Variants in EPS15 observed in about 807,000 individuals in gnomAD.
The protein encoded by EPS15 is epidermal growth factor receptor pathway substrate 15.
EPS15 carries 72 observed loss-of-function variants against 113.8 expected under a neutral mutation model. The observed-to-expected ratio is 0.63, with a 90% CI of 0.52 to 0.77. The LOEUF (loss-of-function observed/expected upper bound fraction) is 0.77. Among genes scored for constraint, EPS15 ranks in the 30% least tolerant of loss-of-function variants. The probability of loss-of-function intolerance (pLI) is 0.00; values close to 1 mark genes in which losing one functional copy is unlikely to be tolerated. For synonymous variants in EPS15, 344 were observed against 363.4 expected (o/e 0.95, Z 0.61); for missense variants, 1,048 against 1,045.8 (o/e 1.00, Z -0.03).
Position 51,446,957 on chromosome 1 carries a change from T to C in EPS15, c.797+3A>G. On this transcript the variant is annotated splice_donor_region_variant and intron_variant, in intron 10 of 24. Transcript: ENST00000371733. ...TAAAAAATCAATTCAAATAAAGTCT[T>C]ACCATATATGGGCTAGTAAGGTAGA... is the stretch of plus-strand genomic sequence containing the variant. 6.3e-7 allele frequency: 1 copy of C among 1,591,052 alleles called. No homozygotes were observed. The highest frequency in any genetic ancestry group is 1.4e-5 in the African/African-American group (1 of 73,590).
At chr1:51,396,719 C>A (rs1419090684) in intron 20 of EPS15, among the ~76,000 whole-genome samples, 1 of 151,950 alleles carries the variant, frequency 6.6e-6, no homozygotes, top group Non-Finnish European at 1.5e-5. Flanking sequence ...ATTGTGCAGC[C>A]CATGAAGGAA....
chr1:51,445,135 A>G (rs2148479882), intron 10 of EPS15, 90 bp from the exon 11 acceptor site: 1 of 1,213,350 alleles, frequency 8.2e-7, no homozygotes, highest in East Asian at 2.4e-5. Context: ...TTTTTAAAAT[A>G]ATGAGGTGAA....
At chr1:51,388,109 T>C (rs1289587160) in intron 21 of EPS15, among the ~76,000 whole-genome samples, 1 of 152,146 alleles carries the variant, frequency 6.6e-6, no homozygotes, top group East Asian at 1.9e-4. Context: ...ACAGAAATTA[T>C]AACAAACTGT....
At chr1:51,414,637 T>G (rs1345675806) in intron 13 of EPS15, among the ~76,000 whole-genome samples, 1 of 152,120 alleles carries the variant, frequency 6.6e-6, no homozygotes. Flanking sequence ...CTAGTCATAT[T>G]CCCCACCCTC....
Position 51,503,000 on chromosome 1 carries a change from C to CT in EPS15, c.33+16198dup, listed in dbSNP as rs1644438892. 4.4e-5 allele frequency among the ~76,000 whole-genome samples: 6 copies of CT among 135,860 alleles called. No homozygotes were observed. The South Asian group carries it at 1.3e-3, about 30-fold the overall frequency. The allele number at this position is 135,860 out of a possible 152,430, so 89.1% of individuals were successfully genotyped here. A position where few individuals can be genotyped will look rare whatever the true frequency, so the allele number is the denominator to read the frequency against. The stretch of plus-strand genomic sequence containing the variant: ...CCAGTCTGGGCGACAGAGTGAGACT[C>CT]TGTCTCAAAAAAAAAAAAAAAAGAA... On this transcript the variant is annotated intron_variant, in intron 1 of 24. Coordinates refer to ENST00000371733, the MANE Select transcript of EPS15 (RefSeq NM_001981.3).
At chr1:51,455,577 C>T (rs890519174) in intron 8 of EPS15, among the ~76,000 whole-genome samples, 1 of 150,746 alleles carries the variant, frequency 6.6e-6, no homozygotes, top group Non-Finnish European at 1.5e-5. Flanking sequence ...GTGACAGACT[C>T]TCAAAAAAAA....
chr1:51,508,194 A>AAAAGG (rs1323672990), intron 1 of EPS15, among the ~76,000 whole-genome samples: 5 of 65,100 alleles, frequency 7.7e-5, no homozygotes, highest in Admixed American at 4.5e-4. Context: ...AAGAGAAAAG[A>AAAAGG]AAAGAAAAGA....
intron 21 of EPS15, among the ~76,000 whole-genome samples, chr1:51,391,080 A>T (rs1252311569): frequency 6.6e-6 from 1 of 152,210 alleles, no homozygotes; most frequent in East Asian, 1.9e-4. Context: ...TCCATCAATG[A>T]TAGACTGGAT....
At chr1:51,360,293 G>A (rs986263768) in intron 24 of EPS15, among the ~76,000 whole-genome samples, 4 of 152,002 alleles carry the variant, frequency 2.6e-5, no homozygotes, top group African/African-American at 9.7e-5. Context: ...TGATAACGAA[G>A]GTTATTTTGC....
At chr1:51,359,443 TAAAA>T (rs148380501) in intron 24 of EPS15, among the ~76,000 whole-genome samples, 4 of 104,054 alleles carry the variant, frequency 3.8e-5, no homozygotes, top group African/African-American at 7.4e-5. Flanking sequence ...ACTCTGTCTT[TAAAA>T]AAAAAAAAAA....
intron 1 of EPS15, among the ~76,000 whole-genome samples, chr1:51,488,921 C>A (rs1222387326): frequency 6.6e-6 from 1 of 152,124 alleles, no homozygotes; most frequent in Non-Finnish European, 1.5e-5. Context: ...TAACCCTTCT[C>A]ATAGCTGGCT....
In EPS15 at chr1:51,447,001, G is replaced by A. The variant is rs766021308; in HGVS notation, c.756C>T (p.Phe252=). ...FVSGLEVREI[F]LKTGLPSTLL... ...AGGTAGAAGGTAAACCTGTTTTCAA[G>A]AATATTTCACGGACCTCCAATCCAG... The change falls in exon 10 of 25, where the codon TTC becomes TTT. Residue 252 remains phenylalanine (F), a synonymous_variant. Transcript: ENST00000371733. 6.2e-7 allele frequency: 1 copy of A among 1,613,304 alleles called. No homozygotes were observed. Among genetic ancestry groups the A allele is most frequent in the South Asian group, 1.1e-5 (1 of 91,044 alleles).
intron 21 of EPS15, among the ~76,000 whole-genome samples, chr1:51,383,203 C>T (rs1384592761): frequency 6.6e-6 from 1 of 152,154 alleles, no homozygotes; most frequent in East Asian, 1.9e-4. Flanking sequence ...AAACACTCAA[C>T]AAGCTAAGAA....
intron 13 of EPS15, among the ~76,000 whole-genome samples, chr1:51,412,529 G>C (rs1288546455): frequency 1.3e-5 from 2 of 152,200 alleles, no homozygotes; most frequent in Non-Finnish European, 2.9e-5. Flanking sequence ...CCGTGAGTTT[G>C]TGTGATCACA....
chr1:51,451,418 G>A (rs1281744883), intron 8 of EPS15, among the ~76,000 whole-genome samples: 1 of 147,900 alleles, frequency 6.8e-6, no homozygotes, highest in African/African-American at 2.5e-5. Flanking sequence ...TTGACCTTGG[G>A]AGGTGGAGAC....
intron 22 of EPS15, 86 bp downstream of exon 22, chr1:51,365,867 T>C: frequency 1.2e-6 from 1 of 812,594 alleles, no homozygotes; most frequent in Non-Finnish European, 1.9e-6. Context: ...TGCAACTTTG[T>C]GAGAGGACTA....
At chr1:51,438,112 T>C (rs1361492751) in intron 12 of EPS15, among the ~76,000 whole-genome samples, 3 of 152,208 alleles carry the variant, frequency 2.0e-5, no homozygotes, top group African/African-American at 7.2e-5. Flanking sequence ...AGTCTGACTA[T>C]GACACTAATG....
chr1:51,423,979 C>A (rs942747641), intron 12 of EPS15, among the ~76,000 whole-genome samples: 1 of 151,936 alleles, frequency 6.6e-6, no homozygotes, highest in Admixed American at 6.6e-5. Context: ...CTAATCATAT[C>A]CTGAAGACCA....
chr1:51,362,652 A>C (rs55671617), intron 23 of EPS15, among the ~76,000 whole-genome samples: 4,569 of 152,264 alleles, frequency 0.03, 75 homozygotes, highest in African/African-American at 0.05. Flanking sequence ...TGATTTTTCA[A>C]CAGATTATCG....
Sources: gnomAD v4.1 joint callset for allele counts (sites outside exome capture counted in the v4.1 genomes callset) on GRCh38, gnomAD v4.1.1 for gene constraint, MANE v1.5 for transcripts, NCBI Gene and HGNC (gene_info 2026-07-23, HGNC 2026-07-21) for gene names.